Variants in PKHD1L1 observed in about 807,000 individuals in gnomAD.
The protein encoded by PKHD1L1 is PKHD1 like 1, also known as fibrocystin-L.
Under a neutral mutation model 462.9 loss-of-function variants are expected in PKHD1L1, and 434 were observed. That is an observed-to-expected ratio of 0.94 (90% CI 0.87 to 1.02). The LOEUF is 1.02. PKHD1L1 is among the 50% of genes least tolerant of loss of function. The pLI, the probability that PKHD1L1 is intolerant of heterozygous loss-of-function variation, is 0.00. For synonymous variants in PKHD1L1, 1,781 were observed against 1,750.0 expected, an observed-to-expected ratio of 1.02 and a Z score of -0.44; for missense variants, 5,202 against 5,096.1, an observed-to-expected ratio of 1.02 and a Z score of -0.63.
chr8:109,363,415 T>C (rs903896765), intron 1 of PKHD1L1, among the ~76,000 whole-genome samples: 2 of 152,234 alleles, frequency 1.3e-5, no homozygotes, highest in East Asian at 3.8e-4. Context: ...GAGCTTTTGC[T>C]ACTATAGGTG....
chr8:109,449,341 G>A lies in PKHD1L1; in HGVS notation c.6029G>A (p.Ser2010Asn). Residue 2010 changes from serine to asparagine, a missense_variant, in exon 40 of 78, where the codon AGC (serine) becomes AAC (asparagine). Ser to Asn is a conservative substitution (Grantham distance 46, BLOSUM62 1). Coordinates refer to ENST00000378402, the MANE Select transcript of PKHD1L1 (RefSeq NM_177531.6). ...CCTTTTTATTTGTCTTCACTAGGGA[G>A]CTTTGGTGGGGGTCAAACCATGACT... The part of the protein sequence containing the change: ...NIQNINPSQG[S>N]FGGGQTMTVT... 1.3e-6 allele frequency: 2 copies of A among 1,570,560 alleles called. No individual in the cohort carries two copies. The highest frequency in any genetic ancestry group is 1.7e-6 in the Non-Finnish European group (2 of 1,156,536).
At position 109,452,833 on chromosome 8, in the gene PKHD1L1, T is replaced by C; in HGVS notation, c.6623T>C (p.Leu2208Pro). 6.6e-7 allele frequency: 1 copy of C among 1,523,946 alleles called. No homozygotes were observed. The highest frequency in any genetic ancestry group is 8.8e-7 in the Non-Finnish European group (1 of 1,138,586). 94.4% of individuals were successfully genotyped at this position (1,523,946 alleles called of 1,614,324 possible). ...VVITKGQTIL[L>P]DQSTPILKML... ...ATTACAAAAGGACAGACCATTCTGC[T>C]GGATCAAAGCACCCCTATTTTGAAA... Residue 2208 changes from leucine to proline, a missense_variant, in exon 43 of 78, where the codon CTG (leucine) becomes CCG (proline). Transcript: ENST00000378402.
At chr8:109,522,548 A>G (rs1224477440) in intron 74 of PKHD1L1, among the ~76,000 whole-genome samples, 196 bp from the exon 75 acceptor site, 1 of 152,202 alleles carries the variant, frequency 6.6e-6, no homozygotes, top group Non-Finnish European at 1.5e-5. Context: ...ATTGGTTATA[A>G]ATTTGTTTTG....
In PKHD1L1 at chr8:109,438,435, C is replaced by T. The variant is rs910874124; in HGVS notation, c.3739C>T (p.Pro1247Ser). ...LQTPIITDFSPKVRTILGEVN... is the reference protein window; with the variant it reads ...LQTPIITDFSSKVRTILGEVN... ...GACACCAATTATAACTGATTTTAGT[C>T]CAAAAGTACGAACAATACTAGGTAA... is the stretch of plus-strand genomic sequence containing the variant. The change falls in exon 31 of 78, where the codon CCA becomes TCA. Residue 1247 changes from proline to serine, a missense_variant. Pro to Ser is a moderately conservative substitution (Grantham distance 74). Transcript: ENST00000378402. 1 of 1,540,156 alleles carries T rather than the reference C, an allele frequency of 6.5e-7. No individual in the cohort carries two copies. The highest frequency in any genetic ancestry group is 1.2e-5 in the South Asian group (1 of 81,556).
chr8:109,416,022 A>C (rs899942457), intron 21 of PKHD1L1, among the ~76,000 whole-genome samples: 7 of 152,080 alleles, frequency 4.6e-5, no homozygotes, highest in Non-Finnish European at 4.4e-5. Context: ...ACTCTGATCA[A>C]TCAATGGATA....
chr8:109,492,109 G>T, intron 62 of PKHD1L1, 115 bp downstream of exon 62: 2 of 825,178 alleles, frequency 2.4e-6, no homozygotes, highest in African/African-American at 2.0e-5. Context: ...GATGATGTAA[G>T]TTTCGATGGC....
chr8:109,446,305 A>G (rs888344501), intron 38 of PKHD1L1, among the ~76,000 whole-genome samples: 3 of 152,216 alleles, frequency 2.0e-5, no homozygotes, highest in African/African-American at 7.2e-5. Flanking sequence ...AAGCTATAGC[A>G]TAATAGTTGA....
chr8:109,430,565 G>T (rs1480307416), intron 27 of PKHD1L1, among the ~76,000 whole-genome samples: 1 of 152,106 alleles, frequency 6.6e-6, no homozygotes, highest in Non-Finnish European at 1.5e-5. Flanking sequence ...CTTCATAAAT[G>T]GTATTATTGC....
At chr8:109,414,577 C>T (rs1033856563) in intron 21 of PKHD1L1, among the ~76,000 whole-genome samples, 2 of 151,808 alleles carry the variant, frequency 1.3e-5, no homozygotes, top group African/African-American at 2.4e-5. Flanking sequence ...TTAATACATG[C>T]CATGTAAGTT....
chr8:109,431,346 T>C (rs2130696881), intron 27 of PKHD1L1, among the ~76,000 whole-genome samples: 1 of 152,298 alleles, frequency 6.6e-6, no homozygotes, highest in African/African-American at 2.4e-5. Context: ...AATTAACAGC[T>C]GTTAACATTG....
At position 109,400,114 on chromosome 8, in the gene PKHD1L1, C is replaced by A. The variant is rs763045526; in HGVS notation, c.1051C>A (p.Arg351Ser). The change falls in exon 13 of 78, where the codon CGT becomes AGT. Residue 351 changes from arginine to serine, a missense_variant. Coordinates refer to ENST00000378402, the MANE Select transcript of PKHD1L1 (RefSeq NM_177531.6). Reference protein sequence around the residue: ...GLKLEVWNNSRPIRLEEILEY... With the variant: ...GLKLEVWNNSSPIRLEEILEY... ...GAAGCTTGAGGTGTGGAATAATAGC[C>A]GTCCAATACGTTTGGAAGAGATACT... 1 of 1,613,246 alleles carries A rather than the reference C, an allele frequency of 6.2e-7. No individual in the cohort carries two copies. The highest frequency in any genetic ancestry group is 8.5e-7 in the Non-Finnish European group (1 of 1,179,480).
At chr8:109,439,245 T>C (rs186688703) in intron 32 of PKHD1L1, among the ~76,000 whole-genome samples, 153 bp downstream of exon 32, 158 of 152,292 alleles carry the variant, frequency 1.0e-3, no homozygotes, top group Non-Finnish European at 1.6e-3. Flanking sequence ...GAATATCTCA[T>C]ACAACTGCAA....
At chr8:109,389,057 A>C in intron 7 of PKHD1L1, 22 bp from the exon 8 acceptor site, 1 of 1,500,984 alleles carries the variant, frequency 6.7e-7, no homozygotes. Flanking sequence ...ATAAGCTTTG[A>C]CATTAACTTT....
chr8:109,444,776 C>T lies in PKHD1L1; in HGVS notation c.4907C>T (p.Thr1636Ile), dbSNP rs763668007. Residue 1636 changes from threonine (T) to isoleucine (I), a missense_variant, in exon 38 of 78, where the codon ACT becomes ATT. By Grantham distance (89) the Thr-to-Ile change is moderately conservative. Coordinates refer to ENST00000378402, the MANE Select transcript of PKHD1L1 (RefSeq NM_177531.6). Reference protein sequence around the residue: ...DVGIRETVTLTVYNLGTAINT... With the variant: ...DVGIRETVTLIVYNLGTAINT... ...GGTATCAGGGAAACTGTCACTTTGACTGTCTACAACCTGGGCACTGCTATC... is the reference window on the plus strand; with the variant it reads ...GGTATCAGGGAAACTGTCACTTTGATTGTCTACAACCTGGGCACTGCTATC... 5 of 1,613,998 alleles carry T rather than the reference C, an allele frequency of 3.1e-6. No individual in the cohort carries two copies. The highest frequency in any genetic ancestry group is 4.2e-6 in the Non-Finnish European group (5 of 1,179,884).
At position 109,407,997 on chromosome 8, in the gene PKHD1L1, T is replaced by C. The variant is rs1449947365; in HGVS notation, c.1814-52T>C. On this transcript the variant is annotated intron_variant, in intron 17 of 77. Transcript: ENST00000378402. ...TATATAAAATATATAGTTTTATATA[T>C]AGGCATTTTATTAGTTAATGTCTAC... is the stretch of plus-strand genomic sequence containing the variant. 5.3e-6 allele frequency: 7 copies of C among 1,308,504 alleles called. No homozygotes were observed. The South Asian group carries it at 1.2e-4, about 22-fold the overall frequency. 81.1% of individuals were successfully genotyped at this position (1,308,504 alleles called of 1,614,324 possible).
At chr8:109,398,364 CT>C (rs1813082879) in intron 11 of PKHD1L1, 94 bp from the exon 12 acceptor site, 6 of 775,314 alleles carry the variant, frequency 7.7e-6, no homozygotes, top group South Asian at 7.6e-5. Context: ...GTTTATGCAA[CT>C]TTGTTTTAAT....
In PKHD1L1 at chr8:109,464,208, C is replaced by T; in HGVS notation, c.7384-8C>T. ...TTACTAAATAACTGTGATTTCTGGG[C>T]TTAACAGGTATTCCATGCTGGCCAG... On this transcript the variant is annotated splice_region_variant and splice_polypyrimidine_tract_variant and intron_variant, in intron 48 of 77. Transcript: ENST00000378402. The T allele has an allele frequency of 6.4e-7, 1 of 1,568,600 alleles. No individual in the cohort carries two copies.
intron 32 of PKHD1L1, among the ~76,000 whole-genome samples, chr8:109,439,613 A>G (rs957271266): frequency 3.3e-5 from 5 of 152,154 alleles, no homozygotes; most frequent in Admixed American, 1.3e-4. Flanking sequence ...AAAGCTGACA[A>G]TTAAGCCAAG....
Position 109,451,037 on chromosome 8 carries a change from A to G in PKHD1L1, c.6238A>G (p.Met2080Val). Residue 2080 changes from methionine to valine, a missense_variant, in exon 41 of 78, where the codon ATG (methionine) becomes GTG (valine). Met to Val is a conservative substitution (Grantham distance 21). Coordinates refer to ENST00000378402, the MANE Select transcript of PKHD1L1 (RefSeq NM_177531.6). ...VVNGKDLSQS[M>V]TPFTYAVSLT... ...TAATGGGAAAGATTTGTCACAGTCC[A>G]TGACTCCGTTTACGTACGCAGTGTC... 1 of 1,613,898 alleles carries G rather than the reference A, an allele frequency of 6.2e-7. No homozygotes were observed. The highest frequency in any genetic ancestry group is 8.5e-7 in the Non-Finnish European group (1 of 1,179,802).
Sources: gnomAD v4.1 joint callset for allele counts (sites outside exome capture counted in the v4.1 genomes callset) on GRCh38, gnomAD v4.1.1 for gene constraint, MANE v1.5 for transcripts, NCBI Gene and HGNC (gene_info 2026-07-23, HGNC 2026-07-21) for gene names.